The following TUSC3 variants were observed in gnomAD, a reference collection of about 807,000 sequenced individuals.
The protein encoded by TUSC3 is dolichyl-diphosphooligosaccharide--protein glycosyltransferase subunit TUSC3.
A neutral mutation model predicts 44.8 loss-of-function variants in TUSC3; 45 were observed. The observed-to-expected ratio is 1.00, with a 90% CI of 0.79 to 1.29. The LOEUF is 1.29. Among genes scored for constraint, TUSC3 ranks in the 50% most tolerant of loss-of-function variants. TUSC3 has a pLI of 0.00. For missense variants in TUSC3, 519 were observed against 437.9 expected (o/e 1.19, Z -1.65); for synonymous variants, 212 against 152.9 (o/e 1.39, Z -2.85).
At chr8:15,523,664 A>G (rs200991391) in intron 2 of TUSC3, among the ~76,000 whole-genome samples, 14,946 of 41,862 alleles carry the variant, frequency 0.36, 1,383 homozygotes, top group South Asian at 0.49. Flanking sequence ...ATATATATAT[A>G]TGTGTGTGTG....
intron 1 of TUSC3, among the ~76,000 whole-genome samples, chr8:15,579,160 A>T (rs1399757203): frequency 6.6e-6 from 1 of 150,528 alleles, no homozygotes; most frequent in African/African-American, 2.4e-5. Flanking sequence ...ATTGGTGGTG[A>T]TATCCCCTTT....
In TUSC3 at chr8:15,764,876, A is replaced by T. The variant is rs909190045; in HGVS notation, c.*720A>T. On this transcript the variant is annotated 3_prime_UTR_variant, in exon 11 of 11. Transcript: ENST00000503731. ...CAACTAGGAGTTATTTCTCAAACTT[A>T]AATGTCCTCTGGGAATCCAGACTTA... 6.6e-6 allele frequency: 1 copy of T among 152,052 alleles called. No homozygotes were observed. Among genetic ancestry groups the T allele is most frequent in the Non-Finnish European group, 1.5e-5 (1 of 67,974 alleles). 9.4% of individuals were successfully genotyped at this position (152,052 alleles called of 1,614,324 possible).
intron 1 of TUSC3, among the ~76,000 whole-genome samples, chr8:15,460,757 T>C (rs887922888): frequency 1.2e-4 from 18 of 152,178 alleles, no homozygotes; most frequent in African/African-American, 4.3e-4. Flanking sequence ...GGTTAGACAA[T>C]TATCCCAGCA....
intron 2 of TUSC3, among the ~76,000 whole-genome samples, chr8:15,637,658 T>C (rs115979846): frequency 6.6e-6 from 1 of 152,286 alleles, no homozygotes; most frequent in East Asian, 1.9e-4. Flanking sequence ...TCTTAAAACT[T>C]TTTTTTTACC....
chr8:15,645,452 C>T (rs867924180), intron 2 of TUSC3, among the ~76,000 whole-genome samples: 26 of 151,950 alleles, frequency 1.7e-4, no homozygotes, highest in African/African-American at 5.3e-4. Flanking sequence ...CATACTTTGT[C>T]GAACTGTTCC....
intron 2 of TUSC3, among the ~76,000 whole-genome samples, chr8:15,518,569 A>G (rs1400444317): frequency 6.6e-6 from 1 of 152,142 alleles, no homozygotes; most frequent in South Asian, 2.1e-4. Flanking sequence ...TGAAAATACA[A>G]TCTCAGCTTT....
intron 6 of TUSC3, among the ~76,000 whole-genome samples, chr8:15,702,979 A>G (rs956136084): frequency 6.6e-6 from 1 of 152,122 alleles, no homozygotes; most frequent in African/African-American, 2.4e-5. Context: ...TACTAATTAA[A>G]CAAACAAAAA....
intron 1 of TUSC3, among the ~76,000 whole-genome samples, chr8:15,438,330 A>G (rs993377834): frequency 6.6e-6 from 1 of 152,150 alleles, no homozygotes; most frequent in Non-Finnish European, 1.5e-5. Context: ...TCCAGACCTC[A>G]GGTGGTCCGC....
chr8:15,730,065 G>C (rs1208373826), intron 6 of TUSC3, among the ~76,000 whole-genome samples: 1 of 152,016 alleles, frequency 6.6e-6, no homozygotes, highest in African/African-American at 2.4e-5. Context: ...GAGATTATCA[G>C]CAGAAATAAT....
chr8:15,724,275 A>G (rs1810416393), intron 6 of TUSC3, among the ~76,000 whole-genome samples: 1 of 152,098 alleles, frequency 6.6e-6, no homozygotes, highest in Non-Finnish European at 1.5e-5. Context: ...CTGTTGTTTA[A>G]GCCATCCAGT....
intron 1 of TUSC3, among the ~76,000 whole-genome samples, chr8:15,545,309 C>G (rs939175524): frequency 1.3e-5 from 2 of 151,536 alleles, no homozygotes; most frequent in Non-Finnish European, 1.5e-5. Context: ...ATGAGGGGGT[C>G]TAGGTGATGC....
At chr8:15,501,064 A>G (rs1038686986) in intron 2 of TUSC3, among the ~76,000 whole-genome samples, 2 of 136,642 alleles carry the variant, frequency 1.5e-5, no homozygotes, top group African/African-American at 2.5e-5. Context: ...AGTCTAAGAC[A>G]GACAGTTTAT....
At chr8:15,716,128 C>T (rs1210814181) in intron 6 of TUSC3, among the ~76,000 whole-genome samples, 1 of 151,990 alleles carries the variant, frequency 6.6e-6, no homozygotes, top group Non-Finnish European at 1.5e-5. Flanking sequence ...TGATGGTACA[C>T]ATCTGTAGTC....
intron 2 of TUSC3, among the ~76,000 whole-genome samples, chr8:15,512,391 C>G (rs948383478): frequency 1.3e-5 from 2 of 152,180 alleles, no homozygotes; most frequent in South Asian, 2.1e-4. Context: ...AACTGCACCT[C>G]TTCCTGAGTC....
At chr8:15,548,992 T>C (rs1799268836) in intron 1 of TUSC3, among the ~76,000 whole-genome samples, 1 of 151,652 alleles carries the variant, frequency 6.6e-6, no homozygotes. Flanking sequence ...ATTGAGTGGA[T>C]TGAAGCTCTG....
intron 1 of TUSC3, among the ~76,000 whole-genome samples, chr8:15,466,632 C>T (rs1800418046): frequency 6.6e-6 from 1 of 152,104 alleles, no homozygotes; most frequent in South Asian, 2.1e-4. Flanking sequence ...AGCTATCCAA[C>T]TTAGAGAATG....
chr8:15,770,274 A>G (rs1232064240), downstream of TUSC3, among the ~76,000 whole-genome samples: 4 of 152,182 alleles, frequency 2.6e-5, no homozygotes, highest in Non-Finnish European at 4.4e-5. Context: ...ACATGGATGA[A>G]GCTGGAAACC....
chr8:15,826,917 G>C, the TUSC3 span, among the ~76,000 whole-genome samples: 2 of 152,100 alleles, frequency 1.3e-5, no homozygotes, highest in African/African-American at 4.8e-5. Context: ...GATAAAAATA[G>C]GGAAGCTCTC....
intron 1 of TUSC3, among the ~76,000 whole-genome samples, chr8:15,572,996 C>G (rs769735671): frequency 6.6e-6 from 1 of 151,848 alleles, no homozygotes; most frequent in Non-Finnish European, 1.5e-5. Flanking sequence ...GACATAGACA[C>G]TGACTGAGCA....
Sources: allele counts gnomAD v4.1 joint callset (sites outside exome capture counted in the v4.1 genomes callset), GRCh38; gene constraint gnomAD v4.1.1; transcripts MANE v1.5; gene names NCBI Gene and HGNC (gene_info 2026-07-23, HGNC 2026-07-21).